The following GLIPR1 variants were observed in gnomAD, a reference collection of about 807,000 sequenced individuals.
GLIPR1 encodes the protein glioma pathogenesis-related protein 1.
Under a neutral mutation model 30.3 loss-of-function variants are expected in GLIPR1, and 38 were observed. That is an observed-to-expected ratio of 1.26 (90% CI 0.97 to 1.65). The LOEUF is 1.65. GLIPR1 is among the 40% of genes most tolerant of loss of function. The probability of loss-of-function intolerance (pLI) is 0.00; values close to 1 mark genes in which losing one functional copy is unlikely to be tolerated. For synonymous variants in GLIPR1, 122 were observed against 110.6 expected (o/e 1.10, Z -0.65); for missense variants, 285 against 326.5 (o/e 0.87, Z 0.98).
At position 75,503,055 on chromosome 12, in the gene GLIPR1, G is replaced by A. The variant is rs2046405341; in HGVS notation, c.*4077G>A. The A allele has an allele frequency of 6.6e-6, 1 of 152,038 alleles. No homozygotes were observed. Among genetic ancestry groups the A allele is most frequent in the Admixed American group, 6.6e-5 (1 of 15,218 alleles). The allele number at this position is 152,038 out of a possible 1,614,324, so 9.4% of individuals were successfully genotyped here. On this transcript the variant is annotated 3_prime_UTR_variant, in exon 6 of 6. Transcript: ENST00000266659. ...CAGAAGTAGAAAGGGAAGGCTTTAG[G>A]ATATAGCCAAGGAAGGGAATAATGA...
chr12:75,482,741 C>G (rs1259673757), intron 2 of GLIPR1, among the ~76,000 whole-genome samples: 1 of 148,442 alleles, frequency 6.7e-6, no homozygotes. Context: ...AATTTTTACT[C>G]AAGCTGATTC....
chr12:75,495,914 A>T (rs2046347828), intron 4 of GLIPR1: 1 of 292,044 alleles, frequency 3.4e-6, no homozygotes, highest in African/African-American at 2.2e-5. Context: ...GAAACTGTAG[A>T]CTAAGATTCC....
At position 75,500,689 on chromosome 12, in the gene GLIPR1, A is replaced by C. The variant is rs2046387590; in HGVS notation, c.*1711A>C. On this transcript the variant is annotated 3_prime_UTR_variant, in exon 6 of 6. Transcript: ENST00000266659. ...AAGTGTGAACAAAATAGAGAAAGGAAGCAGTGAAAAAGAATGCAACTTTTT... is the reference window on the plus strand; with the variant it reads ...AAGTGTGAACAAAATAGAGAAAGGACGCAGTGAAAAAGAATGCAACTTTTT... 1 of 152,078 alleles carries C rather than the reference A, an allele frequency of 6.6e-6. No homozygotes were observed. Among genetic ancestry groups the C allele is most frequent in the Non-Finnish European group, 1.5e-5 (1 of 67,974 alleles). The allele number at this position is 152,078 out of a possible 1,614,324, so 9.4% of individuals were successfully genotyped here.
chr12:75,501,708 C>G lies in GLIPR1; in HGVS notation c.*2730C>G. The G allele has an allele frequency of 6.6e-7, 1 of 1,526,638 alleles. No homozygotes were observed. 94.6% of individuals were successfully genotyped at this position (1,526,638 alleles called of 1,614,324 possible). On this transcript the variant is annotated 3_prime_UTR_variant, in exon 6 of 6. Coordinates refer to ENST00000266659, the MANE Select transcript of GLIPR1 (RefSeq NM_006851.3). ...TCCTAATTAATAAAGACTTTTACAT[C>G]ATAGAAAGCATTACCTTCCTTAGGT...
Position 75,499,060 on chromosome 12 carries a change from T to C in GLIPR1, c.*82T>C. 1.2e-6 allele frequency: 1 copy of C among 858,664 alleles called. No individual in the cohort carries two copies. The allele number at this position is 858,664 out of a possible 1,614,324, so 53.2% of individuals were successfully genotyped here. A position where few individuals can be genotyped will look rare whatever the true frequency, so the allele number is the denominator to read the frequency against. On this transcript the variant is annotated 3_prime_UTR_variant, in exon 6 of 6. Transcript: ENST00000266659. ...TTTAACCAATAACAATTAGGTGTACTTCTATTTTAAAACATTTCAGAAAAA... is the reference window on the plus strand; with the variant it reads ...TTTAACCAATAACAATTAGGTGTACCTCTATTTTAAAACATTTCAGAAAAA...
rs2046409759 is a variant in GLIPR1, at chr12:75,503,791, C to T, written c.*4813C>T. ...AGTTTCTTATAGCTCTGCACACACA[C>T]ACACAATATATATATATACACATAT... On this transcript the variant is annotated 3_prime_UTR_variant, in exon 6 of 6. Coordinates refer to ENST00000266659, the MANE Select transcript of GLIPR1 (RefSeq NM_006851.3). 4 of 959,522 alleles carry T rather than the reference C, an allele frequency of 4.2e-6. No homozygotes were observed. The highest frequency in any genetic ancestry group is 2.4e-5 in the Admixed American group (1 of 41,008). 59.4% of individuals were successfully genotyped at this position (959,522 alleles called of 1,614,324 possible). A position where few individuals can be genotyped will look rare whatever the true frequency, so the allele number is the denominator to read the frequency against.
In GLIPR1 at chr12:75,495,996, C is replaced by T. The variant is rs1324867404; in HGVS notation, c.619+334C>T. 18 of 125,098 alleles carry T rather than the reference C, an allele frequency of 1.4e-4. 1 individual carries two copies. In the East Asian group the frequency reaches 2.2e-3, roughly 15 times the overall value. 7.7% of individuals were successfully genotyped at this position (125,098 alleles called of 1,614,324 possible). ...ATCCAAACAAACAGAATTCTGTTTT[C>T]GTTTTTTTTTTTGTTTTTTTTTTTT... is the stretch of plus-strand genomic sequence containing the variant. On this transcript the variant is annotated intron_variant, in intron 4 of 5. Coordinates refer to ENST00000266659, the MANE Select transcript of GLIPR1 (RefSeq NM_006851.3).
At position 75,491,964 on chromosome 12, in the gene GLIPR1, G is replaced by A. The variant is rs1260929869; in HGVS notation, c.533+1446G>A. ...TCTGACTGAGTGCTGTAGGTGTGAAGGAGGAGACAAAGCGTCATTCTGAAG... is the reference window on the plus strand; with the variant it reads ...TCTGACTGAGTGCTGTAGGTGTGAAAGAGGAGACAAAGCGTCATTCTGAAG... On this transcript the variant is annotated intron_variant, in intron 3 of 5. Transcript: ENST00000266659. The A allele has an allele frequency of 2.0e-5, 3 of 152,250 alleles. No homozygotes were observed. The East Asian group carries it at 5.8e-4, about 29-fold the overall frequency. 9.4% of individuals were successfully genotyped at this position (152,250 alleles called of 1,614,324 possible).
chr12:75,485,934 T>C (rs915993227), intron 2 of GLIPR1, among the ~76,000 whole-genome samples: 2 of 152,040 alleles, frequency 1.3e-5, no homozygotes, highest in African/African-American at 4.8e-5. Flanking sequence ...ATACCGAGAA[T>C]TGAAAGGGAA....
intron 2 of GLIPR1, chr12:75,483,621 G>A (rs1479212517): frequency 6.6e-6 from 1 of 152,170 alleles, no homozygotes; most frequent in Non-Finnish European, 1.5e-5. Flanking sequence ...ACAGTGTTTG[G>A]CTAGTACAAT....
intron 4 of GLIPR1, 108 bp from the exon 5 acceptor site, chr12:75,498,586 G>A: frequency 2.4e-6 from 2 of 845,888 alleles, no homozygotes; most frequent in Non-Finnish European, 3.8e-6. Flanking sequence ...CTGCAATAAA[G>A]CCAAAGCAAG....
rs1390903388 is a variant in GLIPR1, at chr12:75,498,773, G to A, written c.647-51G>A. On this transcript the variant is annotated intron_variant, in intron 5 of 5. Transcript: ENST00000266659. ...ATTAAGAGCTATGTGAATTCTGTCA[G>A]TGCATTATGAGGAACAATGTCTAAG... The A allele has an allele frequency of 2.5e-6, 4 of 1,606,490 alleles. No individual in the cohort carries two copies. The African/African-American group carries it at 5.4e-5, about 22-fold the overall frequency.
chr12:75,499,888 T>C lies in GLIPR1; in HGVS notation c.*910T>C. Reference sequence around the variant, plus strand: ...TTCAGCTGTAAGAGCTCCCAGTTTCTTATTCTTTGCTTTCTTAACCTTTTC... The same window carrying C: ...TTCAGCTGTAAGAGCTCCCAGTTTCCTATTCTTTGCTTTCTTAACCTTTTC... On this transcript the variant is annotated 3_prime_UTR_variant, in exon 6 of 6. Coordinates refer to ENST00000266659, the MANE Select transcript of GLIPR1 (RefSeq NM_006851.3). The C allele has an allele frequency of 1.2e-6, 2 of 1,609,950 alleles. No homozygotes were observed. Among genetic ancestry groups the C allele is most frequent in the Non-Finnish European group, 1.7e-6 (2 of 1,178,198 alleles).
At chr12:75,486,113 C>T (rs1488702616) in intron 2 of GLIPR1, among the ~76,000 whole-genome samples, 2 of 152,154 alleles carry the variant, frequency 1.3e-5, no homozygotes, top group African/African-American at 4.8e-5. Context: ...ATGGACTGTC[C>T]TCACAGTACT....
rs570159616 is a variant in GLIPR1 at position 75,488,753 on chromosome 12, T to C, written c.421-1653T>C. 5.8e-4 allele frequency among the ~76,000 whole-genome samples: 89 copies of C among 152,286 alleles called. 2 individuals are homozygous for C. The South Asian group carries it at 0.018, about 31-fold the overall frequency. ...AGGATGTTGCCCTCTGCTGGAAGAC[T>C]CCAGACCAGCTCATCCCAGCTCCAG... is the stretch of plus-strand genomic sequence containing the variant. On this transcript the variant is annotated intron_variant, in intron 2 of 5. Transcript: ENST00000266659.
Position 75,480,806 on chromosome 12 carries a change from A to T in GLIPR1, c.-75A>T. 1 of 1,149,358 alleles carries T rather than the reference A, an allele frequency of 8.7e-7. No individual in the cohort carries two copies. Among genetic ancestry groups the T allele is most frequent in the Non-Finnish European group, 1.3e-6 (1 of 794,730 alleles). The allele number at this position is 1,149,358 out of a possible 1,614,324, so 71.2% of individuals were successfully genotyped here. On this transcript the variant is annotated 5_prime_UTR_variant, in exon 1 of 6. Coordinates refer to ENST00000266659, the MANE Select transcript of GLIPR1 (RefSeq NM_006851.3). ...AGGTTTGCAAAGCTGTGGGCTGAGC[A>T]CTCAGGCAATCACACTCTCAGAAAC...
Position 75,501,729 on chromosome 12 carries a change from T to C in GLIPR1, c.*2751T>C. On this transcript the variant is annotated 3_prime_UTR_variant, in exon 6 of 6. Coordinates refer to ENST00000266659, the MANE Select transcript of GLIPR1 (RefSeq NM_006851.3). ...ACATCATAGAAAGCATTACCTTCCT[T>C]AGGTTTCACAATTGGTTTTTCCTTA... 6.3e-7 allele frequency: 1 copy of C among 1,598,510 alleles called. No individual in the cohort carries two copies. The highest frequency in any genetic ancestry group is 8.6e-7 in the Non-Finnish European group (1 of 1,167,486).
chr12:75,490,519 G>C lies in GLIPR1; in HGVS notation c.533+1G>C, dbSNP rs1448748368. On this transcript the variant is annotated splice_donor_variant, in intron 3 of 5. Coordinates refer to ENST00000266659, the MANE Select transcript of GLIPR1 (RefSeq NM_006851.3). LOFTEE classifies it high-confidence loss of function. The stretch of plus-strand genomic sequence containing the variant: ...ATTTTATATGCAACTACGGACCAGG[G>C]TAAGTGCCTGAATCAACCGGTTTAT... The C allele has an allele frequency of 1.2e-6, 1 of 822,794 alleles. No individual in the cohort carries two copies. The highest frequency in any genetic ancestry group is 1.8e-6 in the Non-Finnish European group (1 of 544,608). 51.0% of individuals were successfully genotyped at this position (822,794 alleles called of 1,614,324 possible).
Position 75,480,889 on chromosome 12 carries a change from C to T in GLIPR1, c.9C>T (p.Val3=). The part of the protein sequence containing the change: MR[V]TLATIAWMVS... ...TCCATGCCAGACAAAGCATGCGTGT[C>T]ACACTTGCTACAATAGCCTGGATGG... The change falls in exon 1 of 6, where the codon GTC becomes GTT. Residue 3 remains valine, a synonymous_variant. Transcript: ENST00000266659. 6.2e-7 allele frequency: 1 copy of T among 1,610,156 alleles called. No homozygotes were observed. Among genetic ancestry groups the T allele is most frequent in the Non-Finnish European group, 8.5e-7 (1 of 1,177,380 alleles).
Sources: allele counts gnomAD v4.1 joint callset (sites outside exome capture counted in the v4.1 genomes callset), GRCh38; gene constraint gnomAD v4.1.1; transcripts MANE v1.5; gene names NCBI Gene and HGNC (gene_info 2026-07-23, HGNC 2026-07-21).